Variants in CABP4 observed in about 807,000 individuals in gnomAD.
CABP4 encodes the protein calcium binding protein 4, also known as calcium-binding protein 4.
CABP4 carries 30 observed loss-of-function variants against 30.7 expected under a neutral mutation model. The observed-to-expected ratio is 0.98, with a 90% CI of 0.73 to 1.33. The LOEUF (loss-of-function observed/expected upper bound fraction) is 1.33. CABP4 is among the 40% of genes most tolerant of loss of function. The probability of loss-of-function intolerance (pLI) is 0.00; values close to 1 mark genes in which losing one functional copy is unlikely to be tolerated. For missense variants in CABP4, 424 were observed against 395.5 expected (o/e 1.07, Z -0.61); for synonymous variants, 161 against 159.2 (o/e 1.01, Z -0.08).
At chr11:67,457,432 C>T in intron 3 of CABP4, 141 bp from the exon 4 acceptor site, 1 of 736,804 alleles carries the variant, frequency 1.4e-6, no homozygotes, top group Non-Finnish European at 2.4e-6. Flanking sequence ...GTTCCAGCCT[C>T]CTATCTGCTG....
chr11:67,455,403 G>C lies in CABP4; in HGVS notation c.-21G>C. The C allele has an allele frequency of 1.3e-6, 2 of 1,597,896 alleles. No homozygotes were observed. The highest frequency in any genetic ancestry group is 1.7e-6 in the Non-Finnish European group (2 of 1,172,566). On this transcript the variant is annotated 5_prime_UTR_variant, in exon 1 of 6. An upstream open reading frame in the 5' UTR loses its in-frame stop. Transcript: ENST00000325656. ...GGGTGCCCAGGGGTGTGGTGTCTCT[G>C]AGCCCTGTTATCCCTCCCCCATGAC...
upstream of CABP4, among the ~76,000 whole-genome samples, chr11:67,454,680 C>T (rs1864693920): frequency 6.6e-6 from 1 of 152,186 alleles, no homozygotes; most frequent in African/African-American, 2.4e-5. Context: ...AAACCCTAAC[C>T]CTGGCCCAGT....
At chr11:67,457,779 C>G (rs1281267411) in intron 4 of CABP4, 97 bp downstream of exon 4, 6 of 1,017,432 alleles carry the variant, frequency 5.9e-6, no homozygotes, top group Non-Finnish European at 8.7e-6. Context: ...GCCTAGAGCC[C>G]TGCAGGCGGT....
At chr11:67,453,010 TTC>T (rs1232342808), upstream of CABP4, 2 of 259,030 alleles carry the variant, frequency 7.7e-6, no homozygotes, top group Non-Finnish European at 1.4e-5. Context: ...GACTTTTCTT[TTC>T]TTTTCTTTTT....
upstream of CABP4, chr11:67,452,730 G>A (rs201224247): frequency 5.2e-3 from 8,076 of 1,544,482 alleles, 38 homozygotes; most frequent in Non-Finnish European, 6.5e-3. Flanking sequence ...TCCATTTGGG[G>A]TCCCCAGAGT....
chr11:67,455,234 C>T (rs956210436), upstream of CABP4: 73 of 715,730 alleles, frequency 1.0e-4, no homozygotes, highest in African/African-American at 1.1e-3. Context: ...TCTGGCTCTG[C>T]CCTGGCCAGC....
At position 67,456,422 on chromosome 11, in the gene CABP4, C is replaced by T. The variant is rs369269636; in HGVS notation, c.521C>T (p.Ser174Leu). Residue 174 changes from serine to leucine, a missense_variant, in exon 3 of 6, where the codon TCG (serine) becomes TTG (leucine). By Grantham distance (145) the Ser-to-Leu change is moderately radical. Coordinates refer to ENST00000325656, the MANE Select transcript of CABP4 (RefSeq NM_145200.5). Reference sequence around the variant, plus strand: ...ACCGAGATGGAGCTCCTGGAGGTCTCGCAGCACATCAAGATGCGCAGTCAG... The same window carrying T: ...ACCGAGATGGAGCTCCTGGAGGTCTTGCAGCACATCAAGATGCGCAGTCAG... Reference protein sequence around the residue: ...MPTEMELLEVSQHIKMRMGGR... With the variant: ...MPTEMELLEVLQHIKMRMGGR... The T allele has an allele frequency of 8.1e-6, 13 of 1,611,768 alleles. No individual in the cohort carries two copies. Among genetic ancestry groups the T allele is most frequent in the South Asian group, 5.5e-5 (5 of 91,080 alleles).
rs1321988876 is a variant in CABP4 at position 67,455,762 on chromosome 11, G to T, written c.339G>T (p.Gly113=). ...SLHDAAQRTY[G]PLLNRVFGKD... is the part of the protein sequence containing the mutation. The stretch of plus-strand genomic sequence containing the variant: ...ACGACGCTGCTCAGAGGACATACGG[G>T]CCCCTGCTCAATCGAGTCTTCGGGA... The change falls in exon 1 of 6, where the codon GGG becomes GGT. Residue 113 remains glycine (G), a synonymous_variant. Transcript: ENST00000325656. 1 of 1,589,160 alleles carries T rather than the reference G, an allele frequency of 6.3e-7. No homozygotes were observed. Among genetic ancestry groups the T allele is most frequent in the South Asian group, 1.1e-5 (1 of 87,496 alleles).
chr11:67,456,541 TG>T (rs1864811192), intron 3 of CABP4, 99 bp downstream of exon 3: 1 of 1,450,586 alleles, frequency 6.9e-7, no homozygotes, highest in East Asian at 2.4e-5. Flanking sequence ...GGGGTGCTAG[TG>T]GGAGTGAGGG....
chr11:67,457,522 G>C (rs1265355776), intron 3 of CABP4, 51 bp from the exon 4 acceptor site: 1 of 1,496,034 alleles, frequency 6.7e-7, no homozygotes, highest in African/African-American at 1.4e-5. Flanking sequence ...TCCCTCCTTG[G>C]GCTTCAGACC....
Position 67,458,497 on chromosome 11 carries a change from G to A in CABP4, c.778G>A (p.Asp260Asn), listed in dbSNP as rs189753148. Reference sequence around the variant, plus strand: ...GCTCCGAGAAGTGGACCTCAATGGGGATGGCACCGTAGACTTTGACGGTGA... The same window carrying A: ...GCTCCGAGAAGTGGACCTCAATGGGAATGGCACCGTAGACTTTGACGGTGA... ...EMLREVDLNG[D>N]GTVDFDEFVM... Residue 260 changes from aspartate (D) to asparagine (N), a missense_variant, in exon 5 of 6, where the codon GAT (aspartate) becomes AAT (asparagine). By Grantham distance (23) the Asp-to-Asn change is conservative (BLOSUM62 1). Coordinates refer to ENST00000325656, the MANE Select transcript of CABP4 (RefSeq NM_145200.5). 1.9e-6 allele frequency: 3 copies of A among 1,614,094 alleles called. No homozygotes were observed. The highest frequency in any genetic ancestry group is 1.7e-5 in the Admixed American group (1 of 60,018).
rs1054992934 is a variant in CABP4, at chr11:67,461,227, G to A, written c.*2568G>A. On this transcript the variant is annotated 3_prime_UTR_variant, in exon 6 of 6. Transcript: ENST00000325656. Reference sequence around the variant, plus strand: ...AGAGGATCATTTGAGCCCAGGAGTTGGAGGCTGCAGTGATCGTGCCACTGC... The same window carrying A: ...AGAGGATCATTTGAGCCCAGGAGTTAGAGGCTGCAGTGATCGTGCCACTGC... Among the ~76,000 whole-genome samples, 2 of 152,162 alleles carry A rather than the reference G, an allele frequency of 1.3e-5. No individual in the cohort carries two copies. Among genetic ancestry groups the A allele is most frequent in the South Asian group, 2.1e-4 (1 of 4,834 alleles).
chr11:67,452,831 T>C, upstream of CABP4: 1 of 848,596 alleles, frequency 1.2e-6, no homozygotes, highest in Non-Finnish European at 1.8e-6. Flanking sequence ...TCCAGGCAAG[T>C]CACCATCCCT....
upstream of CABP4, chr11:67,452,803 G>C: frequency 8.6e-7 from 1 of 1,158,294 alleles, no homozygotes; most frequent in Non-Finnish European, 1.2e-6. Context: ...GAGTATGGGA[G>C]AGACGGTGCT....
upstream of CABP4, among the ~76,000 whole-genome samples, chr11:67,454,897 G>A (rs1348102543): frequency 6.6e-6 from 1 of 152,164 alleles, no homozygotes. Context: ...CTCTGCTCTG[G>A]CCAGGATGTC....
chr11:67,452,748 G>A (rs1462347047), upstream of CABP4: 1 of 1,517,140 alleles, frequency 6.6e-7, no homozygotes, highest in Non-Finnish European at 8.9e-7. Context: ...AGTCCTGCTG[G>A]ACACGGAGTG....
At position 67,458,443 on chromosome 11, in the gene CABP4, C is replaced by T. The variant is rs1445541750; in HGVS notation, c.724C>T (p.Pro242Ser). The change falls in exon 5 of 6, where the codon CCG (proline) becomes TCG (serine). Residue 242 changes from proline (P) to serine (S), a missense_variant. Physicochemically the swap from Pro to Ser is moderately conservative, Grantham distance 74 (BLOSUM62 -1). Transcript: ENST00000325656. ...REAVPALLGE[P>S]LAGPELDEML... ...GGCGGTACCGGCTCTGCTCGGGGAG[C>T]CGCTGGCGGGTCCTGAGCTGGACGA... The T allele has an allele frequency of 1.2e-6, 2 of 1,613,800 alleles. No homozygotes were observed. The highest frequency in any genetic ancestry group is 2.7e-5 in the African/African-American group (2 of 74,864).
upstream of CABP4, among the ~76,000 whole-genome samples, chr11:67,454,762 G>A (rs1191832131): frequency 6.6e-6 from 1 of 152,086 alleles, no homozygotes; most frequent in African/African-American, 2.4e-5. Flanking sequence ...TCCTCCCCAG[G>A]GCCTCTCTAG....
Position 67,461,240 on chromosome 11 carries a change from A to G in CABP4, c.*2581A>G, listed in dbSNP as rs1329920826. On this transcript the variant is annotated 3_prime_UTR_variant, in exon 6 of 6. Transcript: ENST00000325656. ...AGCCCAGGAGTTGGAGGCTGCAGTGATCGTGCCACTGCACTCCAGCCTTGG... is the reference window on the plus strand; with the variant it reads ...AGCCCAGGAGTTGGAGGCTGCAGTGGTCGTGCCACTGCACTCCAGCCTTGG... Among the ~76,000 whole-genome samples, 1 of 152,192 alleles carries G rather than the reference A, an allele frequency of 6.6e-6. No individual in the cohort carries two copies. Among genetic ancestry groups the G allele is most frequent in the Non-Finnish European group, 1.5e-5 (1 of 68,038 alleles).
Sources: gnomAD v4.1 joint callset for allele counts (sites outside exome capture counted in the v4.1 genomes callset) on GRCh38, gnomAD v4.1.1 for gene constraint, MANE v1.5 for transcripts, NCBI Gene and HGNC (gene_info 2026-07-23, HGNC 2026-07-21) for gene names.